Variants in CAMK1D observed in about 807,000 individuals in gnomAD.
CAMK1D encodes calcium/calmodulin dependent protein kinase ID.
A neutral mutation model predicts 47.7 loss-of-function variants in CAMK1D; 9 were observed. The observed-to-expected ratio is 0.19, with a 90% CI of 0.11 to 0.33. The LOEUF (loss-of-function observed/expected upper bound fraction) is 0.33, where lower values mean the gene tolerates loss of function less well. CAMK1D is among the 10% of genes least tolerant of loss of function. CAMK1D has a pLI of 1.00. For synonymous variants in CAMK1D, 184 were observed against 184.9 expected (o/e 0.99, Z 0.04); for missense variants, 291 against 488.7 (o/e 0.60, Z 3.81).
chr10:12,739,584 C>A (rs934657582), intron 3 of CAMK1D, among the ~76,000 whole-genome samples: 10 of 151,946 alleles, frequency 6.6e-5, no homozygotes, highest in African/African-American at 2.4e-4. Flanking sequence ...CCACCGCACC[C>A]GGCTGAGATA....
chr10:12,715,587 A>T (rs1028985234), intron 3 of CAMK1D, among the ~76,000 whole-genome samples: 1 of 152,146 alleles, frequency 6.6e-6, no homozygotes, highest in Non-Finnish European at 1.5e-5. Flanking sequence ...ACAAAACGTG[A>T]TGTCACCTTT....
intron 3 of CAMK1D, among the ~76,000 whole-genome samples, chr10:12,755,356 C>T (rs1190086778): frequency 6.6e-6 from 1 of 152,116 alleles, no homozygotes; most frequent in Non-Finnish European, 1.5e-5. Context: ...CAGGTTCAGC[C>T]AAGGTGGATC....
rs1487418431 is a variant in CAMK1D at position 12,670,576 on chromosome 10, TCTCA to T, written c.299+3770_299+3773del. 2.0e-5 allele frequency among the ~76,000 whole-genome samples: 3 copies of T among 152,126 alleles called. No individual in the cohort carries two copies. The East Asian group carries it at 5.8e-4, about 29-fold the overall frequency. ...AAATTTTTTTTTTTTTGAGACGGATTCTCACTCTTTTGCCCAGGCGGAGTGCAAT... is the reference window on the plus strand; with the variant it reads ...AAATTTTTTTTTTTTTGAGACGGATTCTCTTTTGCCCAGGCGGAGTGCAAT... On this transcript the variant is annotated intron_variant, in intron 3 of 10. Transcript: ENST00000619168.
chr10:12,599,993 T>A (rs1468922560), intron 2 of CAMK1D, among the ~76,000 whole-genome samples: 3 of 152,192 alleles, frequency 2.0e-5, no homozygotes, highest in Non-Finnish European at 4.4e-5. Context: ...TAGTCCTGGC[T>A]GCTTAGGAGG....
chr10:12,488,483 A>G (rs2132113734), intron 1 of CAMK1D, among the ~76,000 whole-genome samples: 1 of 152,296 alleles, frequency 6.6e-6, no homozygotes, highest in South Asian at 2.1e-4. Flanking sequence ...TTTTGGCACC[A>G]GGGACTGGTT....
At chr10:12,780,507 T>G (rs1170024684) in intron 5 of CAMK1D, among the ~76,000 whole-genome samples, 1 of 152,184 alleles carries the variant, frequency 6.6e-6, no homozygotes, top group Non-Finnish European at 1.5e-5. Flanking sequence ...CCATCATTGT[T>G]CCTGTCTTCA....
rs1839695085 is a variant in CAMK1D at position 12,642,486 on chromosome 10, A to G, written c.225-24250A>G. On this transcript the variant is annotated intron_variant, in intron 2 of 10. Transcript: ENST00000619168. ...TGTCAGGGTTGGGGGGTAGCGGATA[A>G]ACCCAAAAGGAAATTTCTTGGGATT... 2.0e-5 allele frequency among the ~76,000 whole-genome samples: 3 copies of G among 152,210 alleles called. No individual in the cohort carries two copies. The South Asian group carries it at 6.2e-4, about 32-fold the overall frequency.
Position 12,828,667 on chromosome 10 carries a change from C to CCCA in CAMK1D, c.1040-102_1040-101insCCA, listed in dbSNP as rs1554832121. On this transcript the variant is annotated intron_variant, in intron 10 of 10. Coordinates refer to ENST00000619168, the MANE Select transcript of CAMK1D (RefSeq NM_153498.4). ...AGAAAAAAAAAAAATTGGGCCCCCCCGCCCCCCACCATAAACCCAGCCCCT... is the reference window on the plus strand; with the variant it reads ...AGAAAAAAAAAAAATTGGGCCCCCCCCCAGCCCCCCACCATAAACCCAGCCCCT... The CCCA allele has an allele frequency of 1.9e-5, 16 of 839,260 alleles. 1 individual carries two copies. Among genetic ancestry groups the CCCA allele is most frequent in the East Asian group, 1.8e-4 (6 of 33,280 alleles). The allele number at this position is 839,260 out of a possible 1,614,324, so 52.0% of individuals were successfully genotyped here. A position where few individuals can be genotyped will look rare whatever the true frequency, so the allele number is the denominator to read the frequency against.
intron 1 of CAMK1D, among the ~76,000 whole-genome samples, chr10:12,507,016 T>C (rs1376736435): frequency 6.6e-6 from 1 of 152,364 alleles, no homozygotes; most frequent in East Asian, 1.9e-4. Flanking sequence ...TCAAATTAAC[T>C]GCACCAATTA....
chr10:12,538,844 C>G (rs113214792), intron 1 of CAMK1D, among the ~76,000 whole-genome samples: 30 of 120,808 alleles, frequency 2.5e-4, no homozygotes, highest in African/African-American at 9.8e-4. Flanking sequence ...GGGAGGGGGG[C>G]AGTGGAACTC....
At chr10:12,536,412 G>A (rs1385771480) in intron 1 of CAMK1D, among the ~76,000 whole-genome samples, 3 of 152,148 alleles carry the variant, frequency 2.0e-5, no homozygotes, top group African/African-American at 7.2e-5. Flanking sequence ...CAGAGTAGCT[G>A]GGATTACAGG....
intron 1 of CAMK1D, among the ~76,000 whole-genome samples, chr10:12,528,736 CTTTT>C (rs34250007): frequency 7.3e-6 from 1 of 137,910 alleles, no homozygotes; most frequent in African/African-American, 2.7e-5. Context: ...AAATCCTCAT[CTTTT>C]TTTTTTTTTT....
chr10:12,579,132 G>T (rs1470614011), intron 2 of CAMK1D, among the ~76,000 whole-genome samples: 1 of 152,140 alleles, frequency 6.6e-6, no homozygotes, highest in Non-Finnish European at 1.5e-5. Flanking sequence ...GGAGCGCGAG[G>T]AGTCCTCGGA....
chr10:12,416,689 G>A (rs943216877), intron 1 of CAMK1D, among the ~76,000 whole-genome samples: 2 of 152,224 alleles, frequency 1.3e-5, no homozygotes, highest in Non-Finnish European at 1.5e-5. Context: ...GCTCTGACTA[G>A]CACTGGGCGG....
At chr10:12,802,100 G>A (rs73576066) in intron 6 of CAMK1D, among the ~76,000 whole-genome samples, 3,628 of 152,314 alleles carry the variant, frequency 0.024, 70 homozygotes, top group African/African-American at 0.057. Context: ...TCAGTTATCA[G>A]TGTGAACTGC....
At chr10:12,609,688 A>G (rs1450363392) in intron 2 of CAMK1D, among the ~76,000 whole-genome samples, 4 of 152,196 alleles carry the variant, frequency 2.6e-5, no homozygotes, top group African/African-American at 9.7e-5. Context: ...GGGAGCGGCT[A>G]TAAATACAGA....
chr10:12,761,688 A>G (rs745329170), intron 4 of CAMK1D, among the ~76,000 whole-genome samples: 3 of 152,150 alleles, frequency 2.0e-5, no homozygotes, highest in Non-Finnish European at 4.4e-5. Context: ...AGAAATCAAG[A>G]CCATCCTGGC....
At chr10:12,628,040 C>T (rs1237122281) in intron 2 of CAMK1D, among the ~76,000 whole-genome samples, 2 of 150,454 alleles carry the variant, frequency 1.3e-5, no homozygotes, top group Non-Finnish European at 3.0e-5. Context: ...AAGATTGTGC[C>T]ACTGCACTCC....
intron 1 of CAMK1D, among the ~76,000 whole-genome samples, chr10:12,429,128 G>A (rs540683801): frequency 2.6e-5 from 4 of 151,522 alleles, no homozygotes; most frequent in South Asian, 2.1e-4. Flanking sequence ...CTCCCTCATC[G>A]CCCACCCCTG....
Sources: gnomAD v4.1 joint callset for allele counts (sites outside exome capture counted in the v4.1 genomes callset) on GRCh38, gnomAD v4.1.1 for gene constraint, MANE v1.5 for transcripts, NCBI Gene and HGNC (gene_info 2026-07-23, HGNC 2026-07-21) for gene names.